Variants in RHOJ observed in about 807,000 individuals in gnomAD.
The protein encoded by RHOJ is ras homolog family member J, also known as rho-related GTP-binding protein RhoJ.
In RHOJ, 11 loss-of-function variants were observed where a neutral mutation model predicts 23.4. The observed-to-expected ratio is 0.47, with a 90% CI of 0.30 to 0.78. The LOEUF (loss-of-function observed/expected upper bound fraction) is 0.78, where lower values mean the gene tolerates loss of function less well. RHOJ is among the 30% of genes least tolerant of loss of function. RHOJ has a pLI of 0.08. For synonymous variants in RHOJ, 102 were observed against 102.7 expected (o/e 0.99, Z 0.04); for missense variants, 254 against 273.4 (o/e 0.93, Z 0.50).
At chr14:63,208,872 C>A (rs1017555198) in intron 1 of RHOJ, among the ~76,000 whole-genome samples, 2 of 152,090 alleles carry the variant, frequency 1.3e-5, no homozygotes, top group Non-Finnish European at 2.9e-5. Flanking sequence ...ATCTAATAGG[C>A]ATCTCATTCT....
intron 1 of RHOJ, among the ~76,000 whole-genome samples, chr14:63,245,668 A>AG (rs35670241): frequency 6.6e-6 from 1 of 152,164 alleles, no homozygotes; most frequent in African/African-American, 2.4e-5. Flanking sequence ...AAAGAAAAAA[A>AG]GGGGAGTGGA....
chr14:63,221,828 A>AT (rs571393319), intron 1 of RHOJ, among the ~76,000 whole-genome samples: 5 of 150,176 alleles, frequency 3.3e-5, no homozygotes, highest in Admixed American at 6.6e-5. Flanking sequence ...AGAATGCAAC[A>AT]TTTTTTTTTT....
intron 1 of RHOJ, among the ~76,000 whole-genome samples, chr14:63,259,466 TTA>T (rs1895236215): frequency 6.6e-6 from 1 of 152,230 alleles, no homozygotes; most frequent in East Asian, 1.9e-4. Context: ...GCCATGCACT[TTA>T]TGTTGCTGAT....
At chr14:63,215,382 A>T (rs1378782420) in intron 1 of RHOJ, among the ~76,000 whole-genome samples, 1 of 152,182 alleles carries the variant, frequency 6.6e-6, no homozygotes, top group Admixed American at 6.5e-5. Context: ...TGGTAAATCA[A>T]CTGAATCCAG....
chr14:63,235,705 A>G (rs1040075988), intron 1 of RHOJ, among the ~76,000 whole-genome samples: 6 of 152,250 alleles, frequency 3.9e-5, no homozygotes, highest in Non-Finnish European at 7.3e-5. Flanking sequence ...TCTTAAAATA[A>G]TAACTGTCCC....
At position 63,283,133 on chromosome 14, in the gene RHOJ, G is replaced by A. The variant is rs1465882891; in HGVS notation, c.415G>A (p.Asp139Asn). 2 of 1,613,916 alleles carry A rather than the reference G, an allele frequency of 1.2e-6. No individual in the cohort carries two copies. Among genetic ancestry groups the A allele is most frequent in the Middle Eastern group, 3.3e-4 (2 of 6,060 alleles). Residue 139 changes from aspartate (D) to asparagine (N), a missense_variant, in exon 4 of 5, where the codon GAT becomes AAT. Asp to Asn is a conservative substitution (Grantham distance 23, BLOSUM62 1). Transcript: ENST00000316754. ...GTTTTCTTGCCAGATTGATCTCCGT[G>A]ATGACCCAAAAACCTTGGCCCGTTT... The part of the protein sequence containing the change: ...VLIGTQIDLR[D>N]DPKTLARLLY...
chr14:63,269,978 C>A (rs1256892729), intron 2 of RHOJ, among the ~76,000 whole-genome samples: 1 of 152,152 alleles, frequency 6.6e-6, no homozygotes, highest in Non-Finnish European at 1.5e-5. Flanking sequence ...AACTGATGGC[C>A]GTAGCCCAAT....
chr14:63,263,484 C>T (rs1293445615), intron 1 of RHOJ, among the ~76,000 whole-genome samples: 1 of 152,190 alleles, frequency 6.6e-6, no homozygotes, highest in Non-Finnish European at 1.5e-5. Context: ...CTGGCATAAA[C>T]TGTGTGATCT....
chr14:63,287,807 G>A (rs1882128042), intron 4 of RHOJ, among the ~76,000 whole-genome samples: 2 of 152,148 alleles, frequency 1.3e-5, no homozygotes, highest in Non-Finnish European at 2.9e-5. Flanking sequence ...AAACAAGGAG[G>A]CTTGAATCCT....
intron 2 of RHOJ, among the ~76,000 whole-genome samples, chr14:63,271,741 C>A (rs539907068): frequency 6.6e-6 from 1 of 152,324 alleles, no homozygotes; most frequent in East Asian, 1.9e-4. Context: ...ATTACAGGCA[C>A]CTGCCACCAC....
intron 1 of RHOJ, among the ~76,000 whole-genome samples, chr14:63,217,717 G>T (rs1894396520): frequency 6.6e-6 from 1 of 152,138 alleles, no homozygotes; most frequent in Non-Finnish European, 1.5e-5. Context: ...AAGAGCTTCT[G>T]CACAGCAAAA....
chr14:63,255,384 G>A (rs551079037), intron 1 of RHOJ, among the ~76,000 whole-genome samples: 3 of 152,288 alleles, frequency 2.0e-5, no homozygotes, highest in East Asian at 3.9e-4. Flanking sequence ...AACCACCTTA[G>A]GGGCTCAGAG....
chr14:63,232,364 G>A (rs1285207411), intron 1 of RHOJ, among the ~76,000 whole-genome samples: 4 of 152,158 alleles, frequency 2.6e-5, no homozygotes, highest in Non-Finnish European at 5.9e-5. Flanking sequence ...ATCTGAAAGA[G>A]GATTTAGATG....
chr14:63,264,212 G>A (rs28550722), intron 1 of RHOJ, among the ~76,000 whole-genome samples: 4,492 of 151,838 alleles, frequency 0.03, 206 homozygotes, highest in African/African-American at 0.099. Context: ...GTCTATTGTC[G>A]CCATCTTTGT....
intron 1 of RHOJ, among the ~76,000 whole-genome samples, chr14:63,251,915 G>A (rs1027842263): frequency 6.6e-6 from 1 of 151,998 alleles, no homozygotes; most frequent in Non-Finnish European, 1.5e-5. Flanking sequence ...GAGGCCAAGA[G>A]TTCAAAACCA....
intron 1 of RHOJ, among the ~76,000 whole-genome samples, chr14:63,206,005 T>C (rs1176226748): frequency 6.6e-6 from 1 of 152,188 alleles, no homozygotes; most frequent in Non-Finnish European, 1.5e-5. Flanking sequence ...ACCTTGTGAA[T>C]GGAAAATTTC....
intron 1 of RHOJ, among the ~76,000 whole-genome samples, chr14:63,205,759 T>A (rs1459000126): frequency 6.6e-6 from 1 of 152,200 alleles, no homozygotes; most frequent in African/African-American, 2.4e-5. Context: ...GTTAAGACAT[T>A]GTAGTCACAA....
chr14:63,250,510 G>C (rs1162069880), intron 1 of RHOJ, among the ~76,000 whole-genome samples: 2 of 152,120 alleles, frequency 1.3e-5, no homozygotes, highest in African/African-American at 4.8e-5. Flanking sequence ...AAAGTGCTGG[G>C]ATTACAAGCG....
At chr14:63,289,938 A>G (rs1355085682) in intron 4 of RHOJ, among the ~76,000 whole-genome samples, 1 of 152,120 alleles carries the variant, frequency 6.6e-6, no homozygotes, top group Non-Finnish European at 1.5e-5. Context: ...TTTTTAAAAA[A>G]TATGCCTTTT....
Sources: allele counts gnomAD v4.1 joint callset (sites outside exome capture counted in the v4.1 genomes callset), GRCh38; gene constraint gnomAD v4.1.1; transcripts MANE v1.5; gene names NCBI Gene and HGNC (gene_info 2026-07-23, HGNC 2026-07-21).